The following SESN2 variants were observed in gnomAD, a reference collection of about 807,000 sequenced individuals.
SESN2 encodes the protein sestrin 2.
A neutral mutation model predicts 56.0 loss-of-function variants in SESN2; 42 were observed. The observed-to-expected ratio is 0.75, with a 90% CI of 0.59 to 0.97. The LOEUF is 0.97. Among genes scored for constraint, SESN2 ranks in the 50% least tolerant of loss-of-function variants. The pLI, the probability that SESN2 is intolerant of heterozygous loss-of-function variation, is 0.00. For missense variants in SESN2, 507 were observed against 649.4 expected, an observed-to-expected ratio of 0.78 and a Z score of 2.38; for synonymous variants, 264 against 267.1, an observed-to-expected ratio of 0.99 and a Z score of 0.11.
chr1:28,274,013 T>C (rs775873574), intron 6 of SESN2, 27 bp from the exon 7 acceptor site: 3 of 1,455,700 alleles, frequency 2.1e-6, no homozygotes, highest in Admixed American at 3.3e-5. Context: ...TGCCTCAGCC[T>C]CACTGTGACC....
intron 7 of SESN2, 73 bp from the exon 8 acceptor site, chr1:28,274,752 G>C: frequency 8.5e-7 from 1 of 1,183,360 alleles, no homozygotes. Flanking sequence ...GAGATCCCAG[G>C]TCCAGAGGAT....
At position 28,272,609 on chromosome 1, in the gene SESN2, G is replaced by T; in HGVS notation, c.566G>T (p.Trp189Leu). Residue 189 changes from tryptophan to leucine, a missense_variant, in exon 5 of 10, where the codon TGG becomes TTG. Physicochemically the swap from Trp to Leu is moderately conservative, Grantham distance 61. Transcript: ENST00000253063. ...TTGCTGAAGACCGGCGAGCACACTTGGTCCCTGGCCGAGCTCATTCAGGCT... is the reference window on the plus strand; with the variant it reads ...TTGCTGAAGACCGGCGAGCACACTTTGTCCCTGGCCGAGCTCATTCAGGCT... ...QALLKTGEHT[W>L]SLAELIQALV... 1 of 1,614,078 alleles carries T rather than the reference G, an allele frequency of 6.2e-7. No homozygotes were observed. The highest frequency in any genetic ancestry group is 8.5e-7 in the Non-Finnish European group (1 of 1,180,016).
chr1:28,278,425 G>T (rs1457042821), intron 8 of SESN2, among the ~76,000 whole-genome samples: 1 of 152,092 alleles, frequency 6.6e-6, no homozygotes, highest in Non-Finnish European at 1.5e-5. Flanking sequence ...AAATTAGCCG[G>T]GCACAGTGGC....
chr1:28,274,063 C>T lies in SESN2; in HGVS notation c.925C>T (p.His309Tyr), dbSNP rs114922467. ...PSADILEPSP[H>Y]PDMLCFVEDP... ...AGCTGACATCCTGGAGCCCTCTCCA[C>T]ACCCAGACATGCTGTGCTTTGTGGA... The change falls in exon 7 of 10, where the codon CAC becomes TAC. Residue 309 changes from histidine (H) to tyrosine (Y), a missense_variant. Coordinates refer to ENST00000253063, the MANE Select transcript of SESN2 (RefSeq NM_031459.5). 2,227 of 1,613,976 alleles carry T rather than the reference C, an allele frequency of 1.4e-3. 26 individuals carry two copies. The African/African-American group carries it at 0.025, about 18-fold the overall frequency.
rs745767367 is a variant in SESN2, at chr1:28,270,123, G to A, written c.156+875G>A. Among the ~76,000 whole-genome samples the A allele has an allele frequency of 5.9e-5, 9 of 152,258 alleles. No individual in the cohort carries two copies. The South Asian group carries it at 6.2e-4, about 11-fold the overall frequency. On this transcript the variant is annotated intron_variant, in intron 2 of 9. Transcript: ENST00000253063. ...TCCCAACACTTTGGGAGGCCGAGGC[G>A]GGCGGATCACGAGGTCAGGAGATCG...
At chr1:28,262,583 C>T (rs775217969) in intron 1 of SESN2, among the ~76,000 whole-genome samples, 2 of 142,650 alleles carry the variant, frequency 1.4e-5, no homozygotes, top group African/African-American at 2.7e-5. Flanking sequence ...GATCATGCCA[C>T]TGCACTCCAG....
chr1:28,265,711 G>A (rs1377942736), intron 1 of SESN2, among the ~76,000 whole-genome samples: 1 of 152,084 alleles, frequency 6.6e-6, no homozygotes, highest in Non-Finnish European at 1.5e-5. Flanking sequence ...TTTTTTAAGA[G>A]AGGGTGTCCT....
chr1:28,272,032 C>T (rs1307701859), intron 3 of SESN2, among the ~76,000 whole-genome samples, 161 bp downstream of exon 3: 1 of 152,020 alleles, frequency 6.6e-6, no homozygotes, highest in Non-Finnish European at 1.5e-5. Flanking sequence ...TTTATTTTTT[C>T]TCAGAAGGAA....
At chr1:28,271,542 C>A in intron 2 of SESN2, 132 bp from the exon 3 acceptor site, 1 of 615,518 alleles carries the variant, frequency 1.6e-6, no homozygotes, top group South Asian at 1.9e-5. Context: ...GTGATCCTCC[C>A]CATTCTTTCT....
At chr1:28,272,221 A>G in intron 3 of SESN2, 63 bp from the exon 4 acceptor site, 1 of 1,556,316 alleles carries the variant, frequency 6.4e-7, no homozygotes, top group Non-Finnish European at 8.8e-7. Context: ...CTGATGGGGT[A>G]CCCACCCTGA....
Position 28,280,747 on chromosome 1 carries a change from G to A in SESN2, c.1388G>A (p.Arg463His), listed in dbSNP as rs1438624951. ...VHVNLLLLEA[R>H]MQAALLYALR... ...GTGAACTTGCTGCTCCTGGAGGCGC[G>A]CATGCAAGCCGCTCTGCTGTACGCC... is the stretch of plus-strand genomic sequence containing the variant. Residue 463 changes from arginine (R) to histidine (H), a missense_variant, in exon 10 of 10, where the codon CGC becomes CAC. Transcript: ENST00000253063. The A allele has an allele frequency of 1.1e-5, 17 of 1,613,308 alleles. No homozygotes were observed. Among genetic ancestry groups the A allele is most frequent in the East Asian group, 4.5e-5 (2 of 44,884 alleles).
rs1263621806 is a variant in SESN2, at chr1:28,274,949, G to A, written c.1145G>A (p.Ser382Asn). Residue 382 changes from serine to asparagine, a missense_variant, in exon 8 of 10, where the codon AGT (serine) becomes AAT (asparagine). Coordinates refer to ENST00000253063, the MANE Select transcript of SESN2 (RefSeq NM_031459.5). ...ACCTACAATACCATCGCCATGCACA[G>A]TGGTGTGGACACCTCCGTGCTCCGC... ...SLTYNTIAMH[S>N]GVDTSVLRRA... is the part of the protein sequence containing the mutation. 2 of 1,614,230 alleles carry A rather than the reference G, an allele frequency of 1.2e-6. No individual in the cohort carries two copies. The highest frequency in any genetic ancestry group is 1.7e-6 in the Non-Finnish European group (2 of 1,180,034).
chr1:28,266,310 T>C (rs191106644), intron 1 of SESN2, among the ~76,000 whole-genome samples: 1 of 152,250 alleles, frequency 6.6e-6, no homozygotes, highest in African/African-American at 2.4e-5. Flanking sequence ...ACCGCTTGGG[T>C]TGAGAAGCCC....
At chr1:28,275,173 ATTGT>A (rs1647986713) in intron 8 of SESN2, among the ~76,000 whole-genome samples, 158 bp downstream of exon 8, 1 of 152,060 alleles carries the variant, frequency 6.6e-6, no homozygotes, top group South Asian at 2.1e-4. Context: ...GACAGTACTC[ATTGT>A]TTGAACGTTG....
At chr1:28,267,250 G>A (rs1647589178) in intron 1 of SESN2, among the ~76,000 whole-genome samples, 1 of 152,218 alleles carries the variant, frequency 6.6e-6, no homozygotes, top group Admixed American at 6.5e-5. Flanking sequence ...TGGCCCGGAA[G>A]TTCCCAGAAG....
intron 6 of SESN2, 112 bp from the exon 7 acceptor site, chr1:28,273,928 C>CT (rs1195346653): frequency 1.3e-6 from 1 of 744,508 alleles, no homozygotes; most frequent in African/African-American, 1.7e-5. Context: ...TAGCAAGGGG[C>CT]TTTTTTTGGC....
intron 2 of SESN2, among the ~76,000 whole-genome samples, chr1:28,270,356 A>G (rs1381527666): frequency 6.6e-6 from 1 of 152,096 alleles, no homozygotes; most frequent in East Asian, 1.9e-4. Context: ...GTCTCAAAAA[A>G]AAAAAAAAAA....
chr1:28,269,243 G>C lies in SESN2; in HGVS notation c.151G>C (p.Glu51Gln). The change falls in exon 2 of 10, where the codon GAG becomes CAG. Residue 51 changes from glutamate to glutamine, a missense_variant. By Grantham distance (29) the Glu-to-Gln change is conservative. Transcript: ENST00000253063. ...AGGGCCCAGCGCCTTCATCCCCGTG[G>C]AGGAGGTAAGCTTGGAAGGGGTTAG... ...PRGPSAFIPV[E>Q]EVLREGAESL... The C allele has an allele frequency of 1.9e-6, 3 of 1,611,314 alleles. No homozygotes were observed. Among genetic ancestry groups the C allele is most frequent in the Non-Finnish European group, 2.5e-6 (3 of 1,178,454 alleles).
chr1:28,274,183 G>C, intron 7 of SESN2, 25 bp downstream of exon 7: 1 of 1,434,204 alleles, frequency 7.0e-7, no homozygotes, highest in Non-Finnish European at 9.8e-7. Flanking sequence ...ACTAGTCTTG[G>C]CCATTGCTCC....
Sources: allele counts gnomAD v4.1 joint callset (sites outside exome capture counted in the v4.1 genomes callset), GRCh38; gene constraint gnomAD v4.1.1; transcripts MANE v1.5; gene names NCBI Gene and HGNC (gene_info 2026-07-23, HGNC 2026-07-21).